Variants in SGCD observed in about 807,000 individuals in gnomAD.
The protein encoded by SGCD is sarcoglycan delta.
SGCD carries 18 observed loss-of-function variants against 36.6 expected under a neutral mutation model. That is an observed-to-expected ratio of 0.49 (90% CI 0.34 to 0.73). SGCD has a LOEUF of 0.73. Ranked by LOEUF, SGCD falls within the 30% of genes least tolerant of loss-of-function variation. The pLI, the probability that SGCD is intolerant of heterozygous loss-of-function variation, is 0.01. For synonymous variants in SGCD, 133 were observed against 130.6 expected (o/e 1.02, Z -0.12); for missense variants, 387 against 346.7 (o/e 1.12, Z -0.92).
intron 1 of SGCD, among the ~76,000 whole-genome samples, chr5:156,014,815 T>C (rs1264044550): frequency 6.6e-6 from 1 of 152,176 alleles, no homozygotes; most frequent in African/African-American, 2.4e-5. Context: ...TGCTATGACG[T>C]TTTTGACTAA....
chr5:156,346,799 A>AT lies in SGCD; in HGVS notation c.192+2129dup, dbSNP rs1319392760. On this transcript the variant is annotated intron_variant, in intron 3 of 8. Coordinates refer to ENST00000337851, the MANE Select transcript of SGCD (RefSeq NM_000337.6). ...TTTACTTTATTTTTTTATTTTTTTTATTTTTTTATTTTTTGTGAGACGGAG... is the reference window on the plus strand; with the variant it reads ...TTTACTTTATTTTTTTATTTTTTTTATTTTTTTTATTTTTTGTGAGACGGAG... Among the ~76,000 whole-genome samples the AT allele has an allele frequency of 2.7e-5, 4 of 148,032 alleles. No homozygotes were observed. The East Asian group carries it at 6.0e-4, about 22-fold the overall frequency.
At chr5:156,503,157 C>T (rs1196796456) in intron 3 of SGCD, among the ~76,000 whole-genome samples, 1 of 152,160 alleles carries the variant, frequency 6.6e-6, no homozygotes, top group Non-Finnish European at 1.5e-5. Context: ...ATTTCTTGAA[C>T]TGTGGTCGTT....
upstream of SGCD, among the ~76,000 whole-genome samples, chr5:156,324,614 T>C (rs1468317297): frequency 6.6e-6 from 1 of 152,182 alleles, no homozygotes; most frequent in African/African-American, 2.4e-5. Flanking sequence ...TAACAAGTCT[T>C]TGGGGAGACA....
chr5:156,436,140 A>G (rs1304240500), intron 3 of SGCD, among the ~76,000 whole-genome samples: 2 of 152,190 alleles, frequency 1.3e-5, no homozygotes, highest in Non-Finnish European at 2.9e-5. Flanking sequence ...TGGACCAGGT[A>G]CCACCCACAG....
At chr5:156,419,301 A>G (rs1441420625) in intron 3 of SGCD, among the ~76,000 whole-genome samples, 2 of 152,156 alleles carry the variant, frequency 1.3e-5, no homozygotes, top group Admixed American at 1.3e-4. Context: ...TTCAACAGCA[A>G]TATTATCTCA....
At chr5:156,731,715 T>C (rs763695063) in intron 7 of SGCD, among the ~76,000 whole-genome samples, 4 of 152,220 alleles carry the variant, frequency 2.6e-5, no homozygotes, top group Admixed American at 6.5e-5. Flanking sequence ...GTGAAGAATG[T>C]CAATGGTAGT....
chr5:156,740,435 G>T (rs1490639246), intron 7 of SGCD, among the ~76,000 whole-genome samples: 3 of 152,210 alleles, frequency 2.0e-5, no homozygotes, highest in South Asian at 2.1e-4. Context: ...AGATTGCAAT[G>T]AATTATGTCA....
the SGCD span, among the ~76,000 whole-genome samples, chr5:155,749,509 A>G: frequency 6.6e-6 from 1 of 152,244 alleles, no homozygotes; most frequent in Non-Finnish European, 1.5e-5. Context: ...CTATTTACAT[A>G]CATTTGAAAC....
chr5:156,511,883 G>C (rs972223354), intron 4 of SGCD, among the ~76,000 whole-genome samples: 4 of 152,158 alleles, frequency 2.6e-5, no homozygotes, highest in African/African-American at 9.7e-5. Flanking sequence ...CTATTCTGCA[G>C]AGGCAAGCAC....
intron 3 of SGCD, among the ~76,000 whole-genome samples, chr5:156,284,284 T>C (rs973089538): frequency 3.9e-5 from 6 of 152,050 alleles, no homozygotes; most frequent in African/African-American, 1.4e-4. Context: ...ACTATTCCAA[T>C]CAATAGAAAA....
chr5:156,679,260 C>T (rs1320657736), intron 7 of SGCD, among the ~76,000 whole-genome samples: 4 of 152,154 alleles, frequency 2.6e-5, no homozygotes, highest in African/African-American at 4.8e-5. Context: ...TCAATGTATT[C>T]AGTTTAAGAC....
chr5:155,809,277 A>G, the SGCD span, among the ~76,000 whole-genome samples: 14,514 of 152,290 alleles, frequency 0.095, 856 homozygotes, highest in South Asian at 0.2. Context: ...ACAATGGGAA[A>G]TAAGAATAAC....
chr5:156,032,152 A>C (rs867142269), intron 1 of SGCD, among the ~76,000 whole-genome samples: 55 of 152,060 alleles, frequency 3.6e-4, no homozygotes, highest in African/African-American at 1.2e-3. Flanking sequence ...AAAAAAAAAA[A>C]CCTAACAGTA....
intron 7 of SGCD, among the ~76,000 whole-genome samples, chr5:156,725,805 T>G (rs958826158): frequency 2.0e-5 from 3 of 152,192 alleles, no homozygotes; most frequent in Admixed American, 2.0e-4. Flanking sequence ...TTGACTAACG[T>G]GTCTGCACAC....
At chr5:156,499,328 T>C (rs1003976107) in intron 3 of SGCD, among the ~76,000 whole-genome samples, 2 of 152,232 alleles carry the variant, frequency 1.3e-5, no homozygotes, top group Admixed American at 6.5e-5. Context: ...CTAGCCGATT[T>C]CTTTTTTTCT....
intron 3 of SGCD, among the ~76,000 whole-genome samples, chr5:156,444,345 A>T (rs963363571): frequency 2.0e-5 from 3 of 152,162 alleles, no homozygotes; most frequent in African/African-American, 7.2e-5. Flanking sequence ...CCTACACAAA[A>T]AATAATATTT....
chr5:156,026,964 AG>A (rs1272788173), intron 1 of SGCD, among the ~76,000 whole-genome samples: 3 of 152,208 alleles, frequency 2.0e-5, no homozygotes, highest in African/African-American at 4.8e-5. Context: ...GTTTCAATAA[AG>A]CTTTACAAAA....
At chr5:155,893,764 A>G (rs1295750656) in intron 1 of SGCD, among the ~76,000 whole-genome samples, 1 of 152,256 alleles carries the variant, frequency 6.6e-6, no homozygotes, top group Non-Finnish European at 1.5e-5. Context: ...TCTACGAGAA[A>G]TGTGCTCTTA....
the SGCD span, among the ~76,000 whole-genome samples, chr5:155,779,218 C>T: frequency 2.9e-3 from 434 of 152,186 alleles, 2 homozygotes; most frequent in African/African-American, 9.3e-3. Context: ...GCAGGTGAAT[C>T]ACTTAAGTTG....
Sources: allele counts gnomAD v4.1 joint callset (sites outside exome capture counted in the v4.1 genomes callset), GRCh38; gene constraint gnomAD v4.1.1; transcripts MANE v1.5; gene names NCBI Gene and HGNC (gene_info 2026-07-23, HGNC 2026-07-21).